Variants in TANGO6 observed in about 807,000 individuals in gnomAD.
TANGO6 encodes the protein transport and Golgi organization protein 6 homolog.
Under a neutral mutation model 114.2 loss-of-function variants are expected in TANGO6, and 90 were observed. That is an observed-to-expected ratio of 0.79 (90% confidence interval 0.66 to 0.94). The LOEUF is 0.94. Among genes scored for constraint, TANGO6 ranks in the 40% least tolerant of loss-of-function variants. The probability of loss-of-function intolerance (pLI) is 0.00; values close to 1 mark genes in which losing one functional copy is unlikely to be tolerated. For synonymous variants in TANGO6, 477 were observed against 509.8 expected (o/e 0.94, Z 0.87); for missense variants, 1,274 against 1,315.3 (o/e 0.97, Z 0.49).
Position 68,897,574 on chromosome 16 carries a change from A to G in TANGO6, c.1378-2860A>G, listed in dbSNP as rs553921044. ...ATAAGGAAGAAACAAACAAAAAATT[A>G]GCGGATTTTTTTTTTTTTTTTGAGA... On this transcript the variant is annotated intron_variant, in intron 7 of 17. Transcript: ENST00000261778. 1.4e-4 allele frequency among the ~76,000 whole-genome samples: 21 copies of G among 151,682 alleles called. No homozygotes were observed. The East Asian group carries it at 4.1e-3, about 29-fold the overall frequency.
chr16:68,911,500 T>C (rs983269050), intron 11 of TANGO6, among the ~76,000 whole-genome samples: 2 of 146,090 alleles, frequency 1.4e-5, no homozygotes. Context: ...CACTGCAACC[T>C]CCACCTCCCG....
At chr16:68,922,833 A>G (rs1212522986) in intron 12 of TANGO6, among the ~76,000 whole-genome samples, 2 of 150,362 alleles carry the variant, frequency 1.3e-5, no homozygotes, top group African/African-American at 2.5e-5. Flanking sequence ...CTTGAAATCT[A>G]GATTCTACTG....
intron 14 of TANGO6, among the ~76,000 whole-genome samples, chr16:68,931,227 C>G (rs1431346026): frequency 3.9e-5 from 6 of 152,126 alleles, no homozygotes; most frequent in Non-Finnish European, 7.3e-5. Context: ...GTTGGCCATC[C>G]CATTACCATG....
intron 15 of TANGO6, among the ~76,000 whole-genome samples, chr16:69,016,007 T>G (rs1959290641): frequency 6.6e-6 from 1 of 152,202 alleles, no homozygotes; most frequent in Non-Finnish European, 1.5e-5. Flanking sequence ...CCTTGAGGTC[T>G]TCTCCTCTGA....
At chr16:69,008,613 T>TTTTTG (rs1394104079) in intron 15 of TANGO6, among the ~76,000 whole-genome samples, 2 of 152,050 alleles carry the variant, frequency 1.3e-5, no homozygotes, top group Non-Finnish European at 1.5e-5. Flanking sequence ...TTGAAGTTAA[T>TTTTTG]TTTTGTTTTG....
At chr16:69,040,520 GATGGATTCATCCAAATGAATCCATCAAC>G in intron 17 of TANGO6, 99 bp downstream of exon 17, 1 of 942,436 alleles carries the variant, frequency 1.1e-6, no homozygotes, top group Non-Finnish European at 1.6e-6. Context: ...CTCTTTCCTC[GATGGATTCATCCAAATGAATCCATCAAC>G]AGGGATTTTG....
chr16:69,036,826 A>G (rs893568755), intron 16 of TANGO6, among the ~76,000 whole-genome samples: 2 of 152,048 alleles, frequency 1.3e-5, no homozygotes, highest in African/African-American at 4.8e-5. Flanking sequence ...AGCTATGCGT[A>G]GTGGTACACG....
At chr16:68,942,913 T>C (rs1963369875) in intron 14 of TANGO6, among the ~76,000 whole-genome samples, 1 of 151,188 alleles carries the variant, frequency 6.6e-6, no homozygotes, top group Non-Finnish European at 1.5e-5. Flanking sequence ...TTTTTTTTTT[T>C]TTTTTTGAGA....
At chr16:68,927,098 A>T (rs1963176747) in intron 12 of TANGO6, 4 of 159,306 alleles carry the variant, frequency 2.5e-5, no homozygotes, top group Admixed American at 1.8e-4. Flanking sequence ...TTCCAGATCT[A>T]TGGTGCACTT....
chr16:68,899,680 G>A (rs1567534988), intron 7 of TANGO6, among the ~76,000 whole-genome samples: 1 of 151,830 alleles, frequency 6.6e-6, no homozygotes, highest in Non-Finnish European at 1.5e-5. Flanking sequence ...GCTTATTGCA[G>A]CTTTGAATTC....
intron 15 of TANGO6, among the ~76,000 whole-genome samples, chr16:69,012,708 A>G (rs1964155022): frequency 6.6e-6 from 1 of 152,216 alleles, no homozygotes; most frequent in South Asian, 2.1e-4. Context: ...GTGTGGGGGA[A>G]TTTGGAAATC....
At chr16:69,067,177 A>G (rs766592283) in intron 17 of TANGO6, among the ~76,000 whole-genome samples, 12 of 152,282 alleles carry the variant, frequency 7.9e-5, no homozygotes, top group Middle Eastern at 3.4e-3. Context: ...GATCATAGGT[A>G]TGAGCTACTG....
At chr16:69,029,503 T>C (rs1055039941) in intron 16 of TANGO6, among the ~76,000 whole-genome samples, 1 of 152,176 alleles carries the variant, frequency 6.6e-6, no homozygotes, top group African/African-American at 2.4e-5. Flanking sequence ...ATTTCAATCT[T>C]CATTCCATTC....
chr16:68,915,976 G>A (rs966817183), intron 11 of TANGO6, among the ~76,000 whole-genome samples: 2 of 152,138 alleles, frequency 1.3e-5, no homozygotes, highest in South Asian at 4.1e-4. Context: ...GCATGTGTGT[G>A]TGCATGCATG....
At chr16:69,065,382 C>T (rs1960199180) in intron 17 of TANGO6, among the ~76,000 whole-genome samples, 3 of 152,202 alleles carry the variant, frequency 2.0e-5, no homozygotes, top group Admixed American at 6.5e-5. Context: ...TTAACTGCTA[C>T]CCACCATCTT....
intron 11 of TANGO6, among the ~76,000 whole-genome samples, chr16:68,910,811 G>A (rs950920160): frequency 2.6e-5 from 4 of 152,004 alleles, no homozygotes; most frequent in African/African-American, 9.7e-5. Context: ...CAAGGAGCTG[G>A]GATTACAGGT....
chr16:69,053,245 C>T lies in TANGO6; in HGVS notation c.3108+12824C>T, dbSNP rs187741415. Among the ~76,000 whole-genome samples, 247 of 152,172 alleles carry T rather than the reference C, an allele frequency of 1.6e-3. 2 individuals carry two copies. In the South Asian group the frequency reaches 0.025, roughly 15 times the overall value. The stretch of plus-strand genomic sequence containing the variant: ...ATTATTATTATTATTAACATGCTCT[C>T]ACAAATATATATATTCCCCCTCCCC... On this transcript the variant is annotated intron_variant, in intron 17 of 17. Coordinates refer to ENST00000261778, the MANE Select transcript of TANGO6 (RefSeq NM_024562.2).
At chr16:68,854,033 A>G (rs190056891) in intron 1 of TANGO6, among the ~76,000 whole-genome samples, 1 of 152,284 alleles carries the variant, frequency 6.6e-6, no homozygotes, top group East Asian at 1.9e-4. Context: ...TGTCATATAT[A>G]TGTACTGCAA....
Position 68,900,648 on chromosome 16 carries a change from T to C in TANGO6, c.1490+102T>C. On this transcript the variant is annotated intron_variant, in intron 8 of 17. Transcript: ENST00000261778. ...ATTTATATTTGCCACTTTGAAATTA[T>C]CATTTCCTTTCAAAGTCAGGAAAAC... 8 of 949,048 alleles carry C rather than the reference T, an allele frequency of 8.4e-6. No homozygotes were observed. In the South Asian group the frequency reaches 1.2e-4, roughly 14 times the overall value. The allele number at this position is 949,048 out of a possible 1,614,324, so 58.8% of individuals were successfully genotyped here. A position where few individuals can be genotyped will look rare whatever the true frequency, so the allele number is the denominator to read the frequency against.
Sources: gnomAD v4.1 joint callset for allele counts (sites outside exome capture counted in the v4.1 genomes callset) on GRCh38, gnomAD v4.1.1 for gene constraint, MANE v1.5 for transcripts, NCBI Gene and HGNC (gene_info 2026-07-23, HGNC 2026-07-21) for gene names.